Variants in FREM1 observed in about 807,000 individuals in gnomAD.
FREM1 encodes FRAS1-related extracellular matrix protein 1.
FREM1 carries 220 observed loss-of-function variants against 210.1 expected under a neutral mutation model. The observed-to-expected ratio is 1.05, with a 90% CI of 0.94 to 1.17. The LOEUF (loss-of-function observed/expected upper bound fraction) is 1.17. FREM1 is among the 50% of genes most tolerant of loss of function. FREM1 has a pLI of 0.00. For missense variants in FREM1, 3,454 were observed against 2,675.5 expected (o/e 1.29, Z -6.42); for synonymous variants, 1,189 against 980.2 (o/e 1.21, Z -3.98).
In FREM1 at chr9:14,810,465, G is replaced by C. The variant is rs551521752; in HGVS notation, c.2894-2331C>G. The stretch of plus-strand genomic sequence containing the variant: ...TCATAGTGTTATTAAAAAAAAATTT[G>C]AGGGAAGACAGGGTCTCACTCTGCT... On this transcript the variant is annotated intron_variant, in intron 16 of 36. Coordinates refer to ENST00000380880, the MANE Select transcript of FREM1 (RefSeq NM_001379081.2). 1.3e-3 allele frequency among the ~76,000 whole-genome samples: 197 copies of C among 152,180 alleles called. 1 individual carries two copies. Among genetic ancestry groups the C allele is most frequent in the Middle Eastern group, 0.01 (3 of 294 alleles).
intron 1 of FREM1, among the ~76,000 whole-genome samples, chr9:14,896,161 G>A (rs928953167): frequency 4.6e-5 from 7 of 152,118 alleles, no homozygotes; most frequent in African/African-American, 9.7e-5. Context: ...ACCTCTGATC[G>A]TCCTCACTGC....
At chr9:14,804,345 G>C (rs528475799) in intron 19 of FREM1, among the ~76,000 whole-genome samples, 1 of 152,312 alleles carries the variant, frequency 6.6e-6, no homozygotes, top group East Asian at 1.9e-4. Flanking sequence ...CAGCACTTTG[G>C]AAGGCCGAGG....
intron 3 of FREM1, among the ~76,000 whole-genome samples, chr9:14,860,557 A>ATGTGTATATATGTG (rs1564098689): frequency 8.4e-6 from 1 of 119,094 alleles, no homozygotes; most frequent in African/African-American, 4.0e-5. Flanking sequence ...ATATATATAC[A>ATGTGTATATATGTG]CACATATATA....
intron 32 of FREM1, 72 bp from the exon 33 acceptor site, chr9:14,747,500 A>T (rs1040956897): frequency 6.9e-7 from 1 of 1,448,386 alleles, no homozygotes; most frequent in African/African-American, 1.4e-5. Flanking sequence ...AAAATGAGCA[A>T]TTCAAAAATT....
intron 24 of FREM1, among the ~76,000 whole-genome samples, chr9:14,777,350 T>C (rs1176930920): frequency 1.3e-5 from 2 of 152,086 alleles, no homozygotes; most frequent in Admixed American, 1.3e-4. Context: ...TATCATGAAA[T>C]TATGCAAACA....
At chr9:14,849,465 T>C (rs1827269672) in intron 6 of FREM1, among the ~76,000 whole-genome samples, 1 of 152,180 alleles carries the variant, frequency 6.6e-6, no homozygotes, top group Admixed American at 6.5e-5. Flanking sequence ...TGTGTATGTA[T>C]TGCACCAGAT....
intron 8 of FREM1, among the ~76,000 whole-genome samples, chr9:14,844,297 C>T (rs149710423): frequency 0.048 from 7,215 of 151,364 alleles, 221 homozygotes; most frequent in Middle Eastern, 0.069. Context: ...GTGATCTCAG[C>T]TCACTGCAAC....
At chr9:14,796,430 G>T (rs1369943272) in intron 21 of FREM1, among the ~76,000 whole-genome samples, 1 of 152,200 alleles carries the variant, frequency 6.6e-6, no homozygotes, top group Non-Finnish European at 1.5e-5. Context: ...GTTCTGTATA[G>T]CTGCCAATTG....
Position 14,737,201 on chromosome 9 carries a change from T to C in FREM1, c.*195A>G. On this transcript the variant is annotated 3_prime_UTR_variant, in exon 37 of 37. Transcript: ENST00000380880. The stretch of plus-strand genomic sequence containing the variant: ...TTAAAAGGTATTGAGATACAAAAAT[T>C]GTATCTTATCTTGTAAAAAATATTT... 2.0e-6 allele frequency: 1 copy of C among 509,158 alleles called. No individual in the cohort carries two copies. The highest frequency in any genetic ancestry group is 5.1e-4 in the Middle Eastern group (1 of 1,966). 31.5% of individuals were successfully genotyped at this position (509,158 alleles called of 1,614,324 possible). A position where few individuals can be genotyped will look rare whatever the true frequency, so the allele number is the denominator to read the frequency against.
At chr9:14,832,891 G>A (rs1012232434) in intron 10 of FREM1, among the ~76,000 whole-genome samples, 1 of 152,074 alleles carries the variant, frequency 6.6e-6, no homozygotes, top group African/African-American at 2.4e-5. Flanking sequence ...TTTCTGTATG[G>A]ATCTACCGAA....
chr9:14,864,610 T>C (rs1300023071), intron 2 of FREM1, among the ~76,000 whole-genome samples: 1 of 152,186 alleles, frequency 6.6e-6, no homozygotes, highest in Non-Finnish European at 1.5e-5. Flanking sequence ...ATTAGGAGAT[T>C]GTTAACTGTT....
rs1420541760 is a variant in FREM1 at position 14,789,031 on chromosome 9, G to T, written c.4065C>A (p.His1355Gln). 5.0e-6 allele frequency: 8 copies of T among 1,611,282 alleles called. No individual in the cohort carries two copies. The highest frequency in any genetic ancestry group is 1.3e-5 in the African/African-American group (1 of 74,878). The change falls in exon 23 of 37, where the codon CAC becomes CAA. Residue 1355 changes from histidine (H) to glutamine (Q), a missense_variant. By Grantham distance (24) the His-to-Gln change is conservative. Coordinates refer to ENST00000380880, the MANE Select transcript of FREM1 (RefSeq NM_001379081.2). Reference sequence around the variant, plus strand: ...GATTCTGGGAATCCATTGCCCCGGTGTGTGTGTATCTCAGCAAGTTCAGAT... The same window carrying T: ...GATTCTGGGAATCCATTGCCCCGGTTTGTGTGTATCTCAGCAAGTTCAGAT... ...EVDLNLLRYT[H>Q]TGAMDSQNQD...
intron 16 of FREM1, among the ~76,000 whole-genome samples, chr9:14,812,131 T>C (rs142557699): frequency 2.6e-5 from 4 of 152,152 alleles, no homozygotes; most frequent in Non-Finnish European, 4.4e-5. Flanking sequence ...AAGTCTTTCA[T>C]AGCAGGGTCT....
Position 14,770,739 on chromosome 9 carries a change from A to G in FREM1, c.4925T>C (p.Leu1642Pro). The change falls in exon 26 of 37, where the codon CTG becomes CCG. Residue 1642 changes from leucine (L) to proline (P), a missense_variant. Physicochemically the swap from Leu to Pro is moderately conservative, Grantham distance 98. Coordinates refer to ENST00000380880, the MANE Select transcript of FREM1 (RefSeq NM_001379081.2). Reference protein sequence around the residue: ...LLHSPSQVGLLKNGCYGIYIT... With the variant: ...LLHSPSQVGLPKNGCYGIYIT... ...GTAAATCCCGTAGCAGCCATTTTTC[A>G]GGAGCCCCACTTGAGAAGGGGAATG... 1 of 1,613,604 alleles carries G rather than the reference A, an allele frequency of 6.2e-7. No individual in the cohort carries two copies. The highest frequency in any genetic ancestry group is 1.1e-5 in the South Asian group (1 of 91,054).
At chr9:14,823,424 CA>C in intron 12 of FREM1, 97 bp from the exon 13 acceptor site, 1 of 1,054,140 alleles carries the variant, frequency 9.5e-7, no homozygotes, top group South Asian at 1.7e-5. Flanking sequence ...TGATATTGAA[CA>C]CTGTAAATGC....
intron 6 of FREM1, 98 bp downstream of exon 6, chr9:14,851,186 C>CA: frequency 1.2e-6 from 1 of 841,242 alleles, no homozygotes; most frequent in Non-Finnish European, 1.8e-6. Context: ...TTTTCTGAGG[C>CA]AATGAATGTA....
intron 1 of FREM1, among the ~76,000 whole-genome samples, chr9:14,895,122 C>A (rs963025053): frequency 2.6e-5 from 4 of 152,188 alleles, no homozygotes; most frequent in African/African-American, 7.2e-5. Context: ...TTTGAGGGTA[C>A]AAACCCATGG....
At position 14,825,522 on chromosome 9, in the gene FREM1, CATAT is replaced by C. The variant is rs200797334; in HGVS notation, c.1882-534_1882-531del. ...AAAAAAAAAAGTATATATATACATA[CATAT>C]ATATATATATGTGTGTGTGTGTATA... On this transcript the variant is annotated intron_variant, in intron 10 of 36. Coordinates refer to ENST00000380880, the MANE Select transcript of FREM1 (RefSeq NM_001379081.2). Among the ~76,000 whole-genome samples the C allele has an allele frequency of 4.9e-4, 18 of 37,086 alleles. 1 individual carries two copies. The highest frequency in any genetic ancestry group is 9.3e-4 in the African/African-American group (14 of 15,122). The allele number at this position is 37,086 out of a possible 152,430, so 24.3% of individuals were successfully genotyped here. A position where few individuals can be genotyped will look rare whatever the true frequency, so the allele number is the denominator to read the frequency against.
At chr9:14,848,061 T>C (rs973541087) in intron 7 of FREM1, among the ~76,000 whole-genome samples, 4 of 152,222 alleles carry the variant, frequency 2.6e-5, no homozygotes, top group Non-Finnish European at 5.9e-5. Flanking sequence ...ATTTTTTCCT[T>C]AATACTATCT....
Sources: allele counts gnomAD v4.1 joint callset (sites outside exome capture counted in the v4.1 genomes callset), GRCh38; gene constraint gnomAD v4.1.1; transcripts MANE v1.5; gene names NCBI Gene and HGNC (gene_info 2026-07-23, HGNC 2026-07-21).